The following MRGBP variants were observed in gnomAD, a reference collection of about 807,000 sequenced individuals.
MRGBP encodes the protein MRG domain binding protein, also known as MRG/MORF4L-binding protein.
A neutral mutation model predicts 21.5 loss-of-function variants in MRGBP; 5 were observed. That is an observed-to-expected ratio of 0.23 (90% CI 0.12 to 0.49). The LOEUF (loss-of-function observed/expected upper bound fraction) is 0.49. Among genes scored for constraint, MRGBP ranks in the 20% least tolerant of loss-of-function variants. MRGBP has a pLI of 0.98. For synonymous variants in MRGBP, 118 were observed against 104.4 expected (o/e 1.13, Z -0.79); for missense variants, 227 against 277.4 (o/e 0.82, Z 1.29).
Position 62,798,635 on chromosome 20 carries a change from C to T in MRGBP, c.319C>T (p.Leu107Phe), listed in dbSNP as rs2147175214. ...PFPNPERNFV[L>F]PEEIIQEVRE... is the part of the protein sequence containing the mutation. ...CCCGAATCCAGAGAGGAACTTCGTC[C>T]TTCCAGAAGAGATCATTCAGGAGGT... The change falls in exon 3 of 5, where the codon CTT becomes TTT. Residue 107 changes from leucine to phenylalanine, a missense_variant. Coordinates refer to ENST00000370487, the MANE Select transcript of MRGBP (RefSeq NM_018270.6). 1.2e-6 allele frequency: 2 copies of T among 1,613,850 alleles called. No homozygotes were observed. The highest frequency in any genetic ancestry group is 1.7e-6 in the Non-Finnish European group (2 of 1,179,922).
intron 2 of MRGBP, 128 bp downstream of exon 2, chr20:62,797,359 C>A (rs1990360412): frequency 1.6e-6 from 2 of 1,254,256 alleles, no homozygotes; most frequent in Non-Finnish European, 2.1e-6. Context: ...AGAGTAGAGG[C>A]CCCTCCATGC....
Position 62,796,667 on chromosome 20 carries a change from C to T in MRGBP, c.144C>T (p.Pro48=), listed in dbSNP as rs757641205. 7.6e-7 allele frequency: 1 copy of T among 1,313,992 alleles called. No homozygotes were observed. Among genetic ancestry groups the T allele is most frequent in the Non-Finnish European group, 9.7e-7 (1 of 1,027,878 alleles). The allele number at this position is 1,313,992 out of a possible 1,614,324, so 81.4% of individuals were successfully genotyped here. A position where few individuals can be genotyped will look rare whatever the true frequency, so the allele number is the denominator to read the frequency against. The change falls in exon 1 of 5, where the codon CCC becomes CCT. Residue 48 remains proline (P), a synonymous_variant. Coordinates refer to ENST00000370487, the MANE Select transcript of MRGBP (RefSeq NM_018270.6). ...TCCACGCCATGCTGGGCCACAAGCCCGTCGGTGAGCGCCCAGGCTGCGGAC... is the reference window on the plus strand; with the variant it reads ...TCCACGCCATGCTGGGCCACAAGCCTGTCGGTGAGCGCCCAGGCTGCGGAC... ...CLFHAMLGHK[P]VGVNRHFHMI... is the part of the protein sequence containing the mutation.
In MRGBP at chr20:62,799,788, T is replaced by C. The variant is rs1045106341; in HGVS notation, c.*145T>C. The C allele has an allele frequency of 6.7e-6, 6 of 889,646 alleles. No individual in the cohort carries two copies. The highest frequency in any genetic ancestry group is 1.0e-5 in the Non-Finnish European group (6 of 602,424). The allele number at this position is 889,646 out of a possible 1,614,324, so 55.1% of individuals were successfully genotyped here. On this transcript the variant is annotated 3_prime_UTR_variant, in exon 5 of 5. Coordinates refer to ENST00000370487, the MANE Select transcript of MRGBP (RefSeq NM_018270.6). ...CACTGCCCGCCCTCAGGCTCTCAGG[T>C]GAACGTGGCCGTCAGCGGGGAAACG...
At chr20:62,797,291 C>G in intron 2 of MRGBP, 60 bp downstream of exon 2, 2 of 1,490,180 alleles carry the variant, frequency 1.3e-6, no homozygotes, top group Non-Finnish European at 1.8e-6. Flanking sequence ...ACACCGCTCT[C>G]TGAGAGTCAG....
At chr20:62,796,866 C>T (rs1990347779) in intron 1 of MRGBP, among the ~76,000 whole-genome samples, 195 bp downstream of exon 1, 1 of 132,764 alleles carries the variant, frequency 7.5e-6, no homozygotes, top group South Asian at 2.5e-4. Flanking sequence ...CCGCCCACGA[C>T]CCCTACCCCC....
chr20:62,797,081 G>T, intron 1 of MRGBP, 29 bp from the exon 2 acceptor site: 2 of 1,368,226 alleles, frequency 1.5e-6, no homozygotes, highest in East Asian at 7.4e-5. Context: ...ACCGCTCACC[G>T]GTTATCCCGC....
chr20:62,797,234 G>A lies in MRGBP; in HGVS notation c.270+3G>A, dbSNP rs774366570. 8.9e-6 allele frequency: 14 copies of A among 1,574,504 alleles called. No individual in the cohort carries two copies. The Admixed American group carries it at 2.6e-4, about 29-fold the overall frequency. ...CCATGTACGACATGCAGGCGCTGGT[G>A]AGCCCAACCGCCCTCCCTGTGCCGC... On this transcript the variant is annotated splice_donor_region_variant and intron_variant, in intron 2 of 4. Coordinates refer to ENST00000370487, the MANE Select transcript of MRGBP (RefSeq NM_018270.6).
rs1990416861 is a variant in MRGBP at position 62,799,728 on chromosome 20, G to A, written c.*85G>A. 7.1e-7 allele frequency: 1 copy of A among 1,413,816 alleles called. No homozygotes were observed. The highest frequency in any genetic ancestry group is 1.4e-5 in the African/African-American group (1 of 70,214). 87.6% of individuals were successfully genotyped at this position (1,413,816 alleles called of 1,614,324 possible). A position where few individuals can be genotyped will look rare whatever the true frequency, so the allele number is the denominator to read the frequency against. On this transcript the variant is annotated 3_prime_UTR_variant, in exon 5 of 5. Transcript: ENST00000370487. ...GGCTGGGTCTGAGTGCCACCCCCCA[G>A]GCCACAGTGATACCATCCCAGTGCC...
Position 62,797,155 on chromosome 20 carries a change from G to C in MRGBP, c.194G>C (p.Ser65Thr), listed in dbSNP as rs1253396296. Reference protein sequence around the residue: ...FHMICIRDKFSQNIGRQVPSK... With the variant: ...FHMICIRDKFTQNIGRQVPSK... The stretch of plus-strand genomic sequence containing the variant: ...ATGATTTGTATTCGGGACAAGTTCA[G>C]CCAGAACATCGGGCGGCAGGTCCCA... The change falls in exon 2 of 5, where the codon AGC becomes ACC. Residue 65 changes from serine to threonine, a missense_variant. Ser to Thr is a moderately conservative substitution (Grantham distance 58). Coordinates refer to ENST00000370487, the MANE Select transcript of MRGBP (RefSeq NM_018270.6). The C allele has an allele frequency of 4.4e-6, 7 of 1,607,222 alleles. No homozygotes were observed. Among genetic ancestry groups the C allele is most frequent in the East Asian group, 2.3e-5 (1 of 43,964 alleles).
rs1990355500 is a variant in MRGBP, at chr20:62,797,146, A to G, written c.185A>G (p.Asp62Gly). The G allele has an allele frequency of 1.6e-5, 26 of 1,605,886 alleles. No homozygotes were observed. Among genetic ancestry groups the G allele is most frequent in the Non-Finnish European group, 2.2e-5 (26 of 1,177,642 alleles). The change falls in exon 2 of 5, where the codon GAC becomes GGC. Residue 62 changes from aspartate (D) to glycine (G), a missense_variant. By Grantham distance (94) the Asp-to-Gly change is moderately conservative. Transcript: ENST00000370487. ...CACTTCCACATGATTTGTATTCGGGACAAGTTCAGCCAGAACATCGGGCGG... is the reference window on the plus strand; with the variant it reads ...CACTTCCACATGATTTGTATTCGGGGCAAGTTCAGCCAGAACATCGGGCGG... ...NRHFHMICIR[D>G]KFSQNIGRQV...
chr20:62,798,346 C>G (rs1990380628), intron 2 of MRGBP, among the ~76,000 whole-genome samples: 1 of 152,220 alleles, frequency 6.6e-6, no homozygotes, highest in Non-Finnish European at 1.5e-5. Flanking sequence ...GTCTTCCTGA[C>G]TCCTGCATCT....
chr20:62,796,856 C>A (rs1990347483), intron 1 of MRGBP, among the ~76,000 whole-genome samples, 185 bp downstream of exon 1: 1 of 136,714 alleles, frequency 7.3e-6, no homozygotes, highest in African/African-American at 2.7e-5. Flanking sequence ...GCCCCGGACC[C>A]CGCCCACGAC....
intron 3 of MRGBP, 108 bp from the exon 4 acceptor site, chr20:62,798,867 C>CT: frequency 6.3e-7 from 1 of 1,582,034 alleles, no homozygotes; most frequent in Non-Finnish European, 8.6e-7. Context: ...TGGACGGAAG[C>CT]TGAGGCCTGT....
At chr20:62,797,072 C>CCG in intron 1 of MRGBP, 38 bp from the exon 2 acceptor site, 1 of 1,565,062 alleles carries the variant, frequency 6.4e-7, no homozygotes, top group South Asian at 1.2e-5. Context: ...TTTCTCCTCA[C>CCG]CGCTCACCGG....
Position 62,797,093 on chromosome 20 carries a change from G to A in MRGBP, c.149-17G>A. On this transcript the variant is annotated splice_polypyrimidine_tract_variant and intron_variant, in intron 1 of 4. Coordinates refer to ENST00000370487, the MANE Select transcript of MRGBP (RefSeq NM_018270.6). ...CTCACCGCTCACCGGTTATCCCGCC[G>A]CCCCTCCTCCCCTCAGGTGTGAACC... The A allele has an allele frequency of 2.1e-6, 3 of 1,447,808 alleles. No individual in the cohort carries two copies. The highest frequency in any genetic ancestry group is 2.6e-5 in the South Asian group (2 of 76,246). The allele number at this position is 1,447,808 out of a possible 1,614,324, so 89.7% of individuals were successfully genotyped here.
Position 62,799,059 on chromosome 20 carries a change from G to A in MRGBP, c.427+10G>A, listed in dbSNP as rs376343479. The A allele has an allele frequency of 1.2e-6, 2 of 1,605,682 alleles. No individual in the cohort carries two copies. Among genetic ancestry groups the A allele is most frequent in the Admixed American group, 1.7e-5 (1 of 58,364 alleles). On this transcript the variant is annotated intron_variant, in intron 4 of 4. Transcript: ENST00000370487. ...AATGGGGCTGACGATGGTGAGTGTG[G>A]AGCTCACCCTGCCCTGATGCCCTTT... is the stretch of plus-strand genomic sequence containing the variant.
At position 62,799,604 on chromosome 20, in the gene MRGBP, C is replaced by CCCTT. The variant is rs778556159; in HGVS notation, c.579_582dup (p.Ser195PhefsTer36). 6.2e-7 allele frequency: 1 copy of CCCTT among 1,613,350 alleles called. No homozygotes were observed. The highest frequency in any genetic ancestry group is 8.5e-7 in the Non-Finnish European group (1 of 1,179,966). On this transcript the variant is annotated frameshift_variant, in exon 5 of 5. Transcript: ENST00000370487. LOFTEE classifies it high-confidence loss of function. ...ACAAAGTCCTGACCGCAAACAGCAA[C>CCCTT]CCTTCCAGTCCCAGTGCTGCCAAGC... is the stretch of plus-strand genomic sequence containing the variant.
chr20:62,798,288 G>A (rs1990379263), intron 2 of MRGBP, among the ~76,000 whole-genome samples: 1 of 152,210 alleles, frequency 6.6e-6, no homozygotes, highest in African/African-American at 2.4e-5. Flanking sequence ...TGTGTCACCA[G>A]GGCTGCCCGG....
chr20:62,796,775 G>T (rs1990344769), intron 1 of MRGBP, 104 bp downstream of exon 1: 11 of 1,103,638 alleles, frequency 1.0e-5, no homozygotes, highest in Non-Finnish European at 1.2e-5. Flanking sequence ...TCCCCGCCGA[G>T]CCCGGGCCGT....
Sources: allele counts gnomAD v4.1 joint callset (sites outside exome capture counted in the v4.1 genomes callset), GRCh38; gene constraint gnomAD v4.1.1; transcripts MANE v1.5; gene names NCBI Gene and HGNC (gene_info 2026-07-23, HGNC 2026-07-21).